NASP: variants seen among roughly 807,000 people sequenced by gnomAD.
NASP encodes the protein nuclear autoantigenic sperm protein.
In NASP, 24 loss-of-function variants were observed where a neutral mutation model predicts 89.5. That is an observed-to-expected ratio of 0.27 (90% CI 0.19 to 0.38). The LOEUF (loss-of-function observed/expected upper bound fraction) is 0.38. NASP is among the 10% of genes least tolerant of loss of function. The pLI is 1.00. For missense variants in NASP, 848 were observed against 921.4 expected, an observed-to-expected ratio of 0.92 and a Z score of 1.03; for synonymous variants, 306 against 324.7, an observed-to-expected ratio of 0.94 and a Z score of 0.62.
At chr1:45,586,864 G>C (rs929729330) in intron 1 of NASP, among the ~76,000 whole-genome samples, 1 of 151,814 alleles carries the variant, frequency 6.6e-6, no homozygotes, top group African/African-American at 2.4e-5. Flanking sequence ...CCTCAGTTCA[G>C]GTTTTTTAAA....
At chr1:45,613,311 A>G in intron 7 of NASP, 63 bp downstream of exon 7, 1 of 1,533,492 alleles carries the variant, frequency 6.5e-7, no homozygotes, top group Non-Finnish European at 8.8e-7. Flanking sequence ...ACTGGAGCTC[A>G]CTCTTGTTGC....
At chr1:45,612,272 C>T (rs1425113345) in intron 6 of NASP, 8 of 152,084 alleles carry the variant, frequency 5.3e-5, no homozygotes, top group Non-Finnish European at 1.0e-4. Context: ...GTCCTAATTG[C>T]CATATTTATA....
intron 4 of NASP, among the ~76,000 whole-genome samples, chr1:45,605,486 G>A (rs12728759): frequency 4.7e-5 from 7 of 150,048 alleles, no homozygotes; most frequent in Non-Finnish European, 8.9e-5. Context: ...TTTTTGAGAT[G>A]GAGTCTCAGT....
chr1:45,592,156 T>G (rs1643565740), intron 2 of NASP, among the ~76,000 whole-genome samples: 1 of 152,182 alleles, frequency 6.6e-6, no homozygotes, highest in Non-Finnish European at 1.5e-5. Flanking sequence ...AGCTAATTTT[T>G]CTATTTTTAG....
intron 2 of NASP, among the ~76,000 whole-genome samples, chr1:45,596,943 A>G (rs1445317482): frequency 6.6e-6 from 1 of 152,048 alleles, no homozygotes; most frequent in Non-Finnish European, 1.5e-5. Flanking sequence ...AGATCGCACT[A>G]CTGCACTCCA....
At chr1:45,601,283 G>A (rs957596477) in intron 2 of NASP, among the ~76,000 whole-genome samples, 2 of 152,018 alleles carry the variant, frequency 1.3e-5, no homozygotes, top group African/African-American at 4.8e-5. Context: ...GTATTTTCTT[G>A]TAGAAACTTT....
Position 45,607,596 on chromosome 1 carries a change from T to C in NASP, c.685T>C (p.Ser229Pro). The C allele has an allele frequency of 1.9e-6, 3 of 1,614,006 alleles. No homozygotes were observed. The highest frequency in any genetic ancestry group is 2.5e-6 in the Non-Finnish European group (3 of 1,179,936). The change falls in exon 6 of 15, where the codon TCT becomes CCT. Residue 229 changes from serine (S) to proline (P), a missense_variant. Ser to Pro is a moderately conservative substitution (Grantham distance 74). Around this residue, in one of 5 missense-constraint regions of NASP, gnomAD observed 464 missense variants for 469.4 expected, o/e 0.99. Coordinates refer to ENST00000350030, the MANE Select transcript of NASP (RefSeq NM_002482.4). ...PEGPNEAEVT[S>P]GKPEQEVPDA... ...AGGACCGAATGAAGCTGAGGTCACT[T>C]CTGGGAAGCCAGAACAGGAAGTACC...
chr1:45,599,953 A>ATTTTTTTTTT (rs11302173), intron 2 of NASP, among the ~76,000 whole-genome samples: 3 of 79,076 alleles, frequency 3.8e-5, no homozygotes, highest in African/African-American at 1.5e-4. Context: ...TTTCCTCTGT[A>ATTTTTTTTTT]TTTTTTTTTT....
Position 45,607,518 on chromosome 1 carries a change from C to G in NASP, c.607C>G (p.Leu203Val), listed in dbSNP as rs146543664. The G allele has an allele frequency of 3.7e-5, 59 of 1,614,004 alleles. No individual in the cohort carries two copies. In the African/African-American group the frequency reaches 6.9e-4, roughly 19 times the overall value. ...GCCACAGGAAAAAGTTGACTTGACT[C>G]TAGATTGGTTAACTGAAACCTCTGA... ...EEPQEKVDLT[L>V]DWLTETSEEA... Residue 203 changes from leucine to valine, a missense_variant, in exon 6 of 15, where the codon CTA (leucine) becomes GTA (valine). Transcript: ENST00000350030.
Position 45,607,821 on chromosome 1 carries a change from G to C in NASP, c.910G>C (p.Val304Leu). Reference sequence around the variant, plus strand: ...AGAAGCAGAGTCTTTAGACCCGACAGTCAAGCCAGTGGATGTGGGTGGGGA... The same window carrying C: ...AGAAGCAGAGTCTTTAGACCCGACACTCAAGCCAGTGGATGTGGGTGGGGA... ...EVEAESLDPT[V>L]KPVDVGGDEP... The change falls in exon 6 of 15, where the codon GTC becomes CTC. Residue 304 changes from valine (V) to leucine (L), a missense_variant. Transcript: ENST00000350030. 1.2e-6 allele frequency: 2 copies of C among 1,614,162 alleles called. No individual in the cohort carries two copies. Among genetic ancestry groups the C allele is most frequent in the South Asian group, 2.2e-5 (2 of 91,076 alleles).
At position 45,618,044 on chromosome 1, in the gene NASP, TTC is replaced by T. The variant is rs1183544007; in HGVS notation, c.2287-15_2287-14del. Reference sequence around the variant, plus strand: ...TAAACTAGGCTCACTCATGCCCAGGTTCTGTTTGTCTTCCAGGCTGAGAATCA... The same window carrying T: ...TAAACTAGGCTCACTCATGCCCAGGTTGTTTGTCTTCCAGGCTGAGAATCA... On this transcript the variant is annotated splice_polypyrimidine_tract_variant and intron_variant, in intron 14 of 14. Coordinates refer to ENST00000350030, the MANE Select transcript of NASP (RefSeq NM_002482.4). The T allele has an allele frequency of 1.3e-6, 2 of 1,590,246 alleles. No homozygotes were observed. The highest frequency in any genetic ancestry group is 1.7e-6 in the Non-Finnish European group (2 of 1,167,552).
intron 1 of NASP, among the ~76,000 whole-genome samples, chr1:45,589,697 C>G (rs562629211): frequency 6.6e-6 from 1 of 151,992 alleles, no homozygotes; most frequent in African/African-American, 2.4e-5. Flanking sequence ...GTCAGGAGCT[C>G]GAGACCAGAC....
In NASP at chr1:45,608,869, G is replaced by A. The variant is rs1258589022; in HGVS notation, c.1426+532G>A. Among the ~76,000 whole-genome samples the A allele has an allele frequency of 2.6e-5, 4 of 152,268 alleles. No individual in the cohort carries two copies. In the East Asian group the frequency reaches 7.7e-4, roughly 29 times the overall value. ...ATGAAGGCAGTTAACCTTGACTGTT[G>A]TATCACCAGAGTTAAAGAATTCTGG... On this transcript the variant is annotated intron_variant, in intron 6 of 14. Coordinates refer to ENST00000350030, the MANE Select transcript of NASP (RefSeq NM_002482.4).
intron 13 of NASP, among the ~76,000 whole-genome samples, chr1:45,617,002 G>A (rs902216927): frequency 5.9e-5 from 9 of 152,216 alleles, no homozygotes; most frequent in Admixed American, 2.0e-4. Context: ...CCGCCACCAC[G>A]CCTGGCTAGT....
At chr1:45,614,937 A>G in intron 9 of NASP, 76 bp from the exon 10 acceptor site, 1 of 1,261,914 alleles carries the variant, frequency 7.9e-7, no homozygotes, top group Non-Finnish European at 1.1e-6. Context: ...GCATTCCCAT[A>G]GGATGGGTCT....
intron 6 of NASP, among the ~76,000 whole-genome samples, chr1:45,608,946 A>G (rs1310001588): frequency 1.3e-5 from 2 of 152,030 alleles, no homozygotes; most frequent in Non-Finnish European, 2.9e-5. Flanking sequence ...CACATTAGTT[A>G]AAACAGGCCC....
At chr1:45,590,301 T>C (rs1170246578) in intron 1 of NASP, among the ~76,000 whole-genome samples, 1 of 146,386 alleles carries the variant, frequency 6.8e-6, no homozygotes, top group Non-Finnish European at 1.5e-5. Flanking sequence ...TCCCAGCACT[T>C]TGGGAGGCCG....
chr1:45,589,332 C>A (rs1643456290), intron 1 of NASP, among the ~76,000 whole-genome samples: 1 of 152,006 alleles, frequency 6.6e-6, no homozygotes, highest in Non-Finnish European at 1.5e-5. Flanking sequence ...CTGTGTTGCC[C>A]AGGTTGGTTT....
At position 45,584,107 on chromosome 1, in the gene NASP, G is replaced by A. The variant is rs1013624121; in HGVS notation, c.-40G>A. 3.2e-6 allele frequency: 5 copies of A among 1,548,744 alleles called. No homozygotes were observed. Among genetic ancestry groups the A allele is most frequent in the East Asian group, 4.7e-5 (2 of 42,132 alleles). ...TCCCAAATTGCCTGTTTTTCTCGCA[G>A]GCTCTATTCCGTTCGCTGGTTCGCC... is the stretch of plus-strand genomic sequence containing the variant. On this transcript the variant is annotated 5_prime_UTR_variant, in exon 1 of 15. Coordinates refer to ENST00000350030, the MANE Select transcript of NASP (RefSeq NM_002482.4).
Sources: gnomAD v4.1 joint callset for allele counts (sites outside exome capture counted in the v4.1 genomes callset) on GRCh38, gnomAD v4.1.1 for gene constraint, gnomAD v4.1.1 regional missense constraint, MANE v1.5 for transcripts, NCBI Gene and HGNC (gene_info 2026-07-23, HGNC 2026-07-21) for gene names.